SH3GL3: variants seen among roughly 807,000 people sequenced by gnomAD.
SH3GL3 encodes the protein endophilin-A3.
SH3GL3 carries 33 observed loss-of-function variants against 47.7 expected under a neutral mutation model. The ratio of observed to expected loss-of-function variants is 0.69; its 90% CI spans 0.52 to 0.92. SH3GL3 has a LOEUF of 0.92. Among genes scored for constraint, SH3GL3 ranks in the 40% least tolerant of loss-of-function variants. SH3GL3 has a pLI of 0.00. For synonymous variants in SH3GL3, 155 were observed against 148.8 expected (o/e 1.04, Z -0.30); for missense variants, 363 against 417.8 (o/e 0.87, Z 1.14).
At chr15:83,501,258 A>T (rs945840489) in intron 1 of SH3GL3, among the ~76,000 whole-genome samples, 1 of 152,218 alleles carries the variant, frequency 6.6e-6, no homozygotes, top group Non-Finnish European at 1.5e-5. Context: ...TGTCTGGAAA[A>T]ACTGTATTTT....
At chr15:83,469,277 C>T (rs2040723136) in intron 1 of SH3GL3, among the ~76,000 whole-genome samples, 1 of 151,958 alleles carries the variant, frequency 6.6e-6, no homozygotes, top group Admixed American at 6.6e-5. Context: ...AGAACTAGCC[C>T]TTTGTTTTAT....
At position 83,519,305 on chromosome 15, in the gene SH3GL3, G is replaced by A. The variant is rs556912077; in HGVS notation, c.46-39948G>A. Among the ~76,000 whole-genome samples the A allele has an allele frequency of 3.3e-5, 5 of 152,270 alleles. 1 individual carries two copies. Among genetic ancestry groups the A allele is most frequent in the Admixed American group, 2.6e-4 (4 of 15,286 alleles). Reference sequence around the variant, plus strand: ...ATTGATTCTTCCAATCCATGAGCATGGAATGTTTTTCCATTTGTTTGTATC... The same window carrying A: ...ATTGATTCTTCCAATCCATGAGCATAGAATGTTTTTCCATTTGTTTGTATC... On this transcript the variant is annotated intron_variant, in intron 1 of 8. Coordinates refer to ENST00000427482, the MANE Select transcript of SH3GL3 (RefSeq NM_003027.5).
chr15:83,621,575 G>A (rs1332299263), downstream of SH3GL3, among the ~76,000 whole-genome samples: 3 of 151,906 alleles, frequency 2.0e-5, no homozygotes, highest in South Asian at 4.2e-4. Flanking sequence ...TAACATAACC[G>A]ATATGATAAT....
chr15:83,534,521 G>T (rs768675284), intron 1 of SH3GL3, among the ~76,000 whole-genome samples: 1 of 152,052 alleles, frequency 6.6e-6, no homozygotes, highest in Non-Finnish European at 1.5e-5. Flanking sequence ...ATTCACAGGG[G>T]CTCCCTACAG....
At chr15:83,544,412 G>T (rs1209790850) in intron 1 of SH3GL3, among the ~76,000 whole-genome samples, 2 of 152,036 alleles carry the variant, frequency 1.3e-5, no homozygotes, top group Non-Finnish European at 2.9e-5. Flanking sequence ...CTGAGGAGAA[G>T]AATGTGTATT....
At chr15:83,526,959 A>T (rs1268474185) in intron 1 of SH3GL3, among the ~76,000 whole-genome samples, 2 of 152,012 alleles carry the variant, frequency 1.3e-5, no homozygotes, top group African/African-American at 4.8e-5. Context: ...ATTCCTAGGT[A>T]TTTCTTTGGT....
At chr15:83,473,001 C>A (rs1255680477) in intron 1 of SH3GL3, among the ~76,000 whole-genome samples, 1 of 152,132 alleles carries the variant, frequency 6.6e-6, no homozygotes, top group Non-Finnish European at 1.5e-5. Flanking sequence ...ACAAAGCACT[C>A]CTACCCTTCT....
At chr15:83,542,626 G>A (rs950742962) in intron 1 of SH3GL3, among the ~76,000 whole-genome samples, 3 of 151,982 alleles carry the variant, frequency 2.0e-5, no homozygotes, top group African/African-American at 7.2e-5. Context: ...TCTATTTCTG[G>A]TGTCCTCTTC....
chr15:83,487,574 G>A (rs1288004285), intron 1 of SH3GL3, among the ~76,000 whole-genome samples: 1 of 152,080 alleles, frequency 6.6e-6, no homozygotes, highest in Non-Finnish European at 1.5e-5. Flanking sequence ...AACGGTTTCT[G>A]TCCTCTTGTG....
chr15:83,617,498 G>A (rs1420065061), intron 8 of SH3GL3, among the ~76,000 whole-genome samples: 1 of 152,184 alleles, frequency 6.6e-6, no homozygotes, highest in Non-Finnish European at 1.5e-5. Flanking sequence ...CCAATATGGT[G>A]AAACCCCACC....
chr15:83,565,180 C>T lies in SH3GL3; in HGVS notation c.161C>T (p.Thr54Ile). Residue 54 changes from threonine (T) to isoleucine (I), a missense_variant, in exon 3 of 9, where the codon ACC (threonine) becomes ATC (isoleucine). Thr to Ile is a moderately conservative substitution (Grantham distance 89, BLOSUM62 -1). Transcript: ENST00000427482. ...NKVVAEILSKTTEYLQPNPAY... is the reference protein window; with the variant it reads ...NKVVAEILSKITEYLQPNPAY... ...GTTGTTGCAGAAATTCTTTCAAAAA[C>T]CACTGAATATCTTCAGCCAAATCCA... 6.3e-7 allele frequency: 1 copy of T among 1,582,122 alleles called. No individual in the cohort carries two copies. The highest frequency in any genetic ancestry group is 2.2e-5 in the East Asian group (1 of 44,480).
intron 1 of SH3GL3, among the ~76,000 whole-genome samples, chr15:83,480,569 A>G (rs1314117443): frequency 1.3e-5 from 2 of 152,198 alleles, no homozygotes; most frequent in African/African-American, 4.8e-5. Context: ...GGTAGAATAC[A>G]GCTTGGAAGT....
chr15:83,484,644 A>G (rs2041513083), intron 1 of SH3GL3, among the ~76,000 whole-genome samples: 1 of 152,010 alleles, frequency 6.6e-6, no homozygotes, highest in Admixed American at 6.6e-5. Context: ...AATCTAATCT[A>G]GAACTATTCA....
intron 2 of SH3GL3, among the ~76,000 whole-genome samples, chr15:83,562,068 C>A (rs946207860): frequency 2.0e-3 from 244 of 119,246 alleles, no homozygotes; most frequent in Non-Finnish European, 2.2e-3. Context: ...CACACACACA[C>A]ACACACACAC....
chr15:83,531,695 G>A (rs984348658), intron 1 of SH3GL3, among the ~76,000 whole-genome samples: 3 of 152,206 alleles, frequency 2.0e-5, no homozygotes, highest in African/African-American at 7.2e-5. Context: ...TGAGGAGTCA[G>A]TTAGGAGGCT....
chr15:83,512,376 G>A (rs554378288), intron 1 of SH3GL3, among the ~76,000 whole-genome samples: 1 of 152,122 alleles, frequency 6.6e-6, no homozygotes, highest in Non-Finnish European at 1.5e-5. Context: ...ATTCTTGGCT[G>A]CTGCAAGGTC....
At chr15:83,609,513 T>G (rs1268910397) in intron 8 of SH3GL3, 1 of 341,562 alleles carries the variant, frequency 2.9e-6, no homozygotes, top group South Asian at 2.2e-5. Flanking sequence ...CAACAGGGAC[T>G]TATGTTGACA....
At chr15:83,477,980 G>A (rs554581601) in intron 1 of SH3GL3, among the ~76,000 whole-genome samples, 37 of 152,236 alleles carry the variant, frequency 2.4e-4, no homozygotes, top group African/African-American at 8.9e-4. Flanking sequence ...TATTTTGATA[G>A]GGCCATGGAT....
At chr15:83,587,284 C>G (rs2059980062) in intron 7 of SH3GL3, among the ~76,000 whole-genome samples, 198 bp downstream of exon 7, 2 of 152,264 alleles carry the variant, frequency 1.3e-5, no homozygotes, top group Middle Eastern at 3.4e-3. Context: ...TAGGATAGAA[C>G]TGGGAAAAGG....
Sources: allele counts gnomAD v4.1 joint callset (sites outside exome capture counted in the v4.1 genomes callset), GRCh38; gene constraint gnomAD v4.1.1; transcripts MANE v1.5; gene names NCBI Gene and HGNC (gene_info 2026-07-23, HGNC 2026-07-21).